The following LIMA1 variants were observed in gnomAD, a reference collection of about 807,000 sequenced individuals.
LIMA1 encodes the protein LIM domain and actin binding 1.
A neutral mutation model predicts 62.6 loss-of-function variants in LIMA1; 52 were observed. The ratio of observed to expected loss-of-function variants is 0.83; its 90% confidence interval spans 0.67 to 1.05. The LOEUF is 1.05. Ranked by LOEUF, LIMA1 falls within the 50% of genes least tolerant of loss-of-function variation. The pLI is 0.00. For missense variants in LIMA1, 780 were observed against 902.2 expected, an observed-to-expected ratio of 0.86 and a Z score of 1.74; for synonymous variants, 302 against 317.8, an observed-to-expected ratio of 0.95 and a Z score of 0.53.
intron 1 of LIMA1, among the ~76,000 whole-genome samples, chr12:50,263,860 T>G (rs112137098): frequency 0.021 from 877 of 41,912 alleles, 18 homozygotes; most frequent in African/African-American, 0.092. Context: ...ATAGAGAGTA[T>G]ATATATATAT....
intron 9 of LIMA1, among the ~76,000 whole-genome samples, chr12:50,183,133 C>T (rs751053917): frequency 3.9e-5 from 6 of 152,030 alleles, no homozygotes; most frequent in Non-Finnish European, 8.8e-5. Context: ...ACCCGGGAGG[C>T]AGAGCTTGTA....
intron 3 of LIMA1, among the ~76,000 whole-genome samples, chr12:50,223,413 G>A (rs1240218100): frequency 6.6e-6 from 1 of 151,574 alleles, no homozygotes. Context: ...AACCTGGGAA[G>A]TGGAGGTTGC....
At chr12:50,268,106 T>C (rs1445537147) in intron 1 of LIMA1, among the ~76,000 whole-genome samples, 2 of 152,194 alleles carry the variant, frequency 1.3e-5, no homozygotes, top group Non-Finnish European at 2.9e-5. Flanking sequence ...TGGTGTCTGA[T>C]TCTTATCCAG....
intron 4 of LIMA1, among the ~76,000 whole-genome samples, chr12:50,211,728 AATC>A (rs752517113): frequency 3.9e-4 from 59 of 152,270 alleles, no homozygotes; most frequent in Non-Finnish European, 7.5e-4. Flanking sequence ...TCCAAGTGGT[AATC>A]TGAGGTACAG....
At chr12:50,195,567 G>A (rs943948920) in intron 8 of LIMA1, 1 of 329,970 alleles carries the variant, frequency 3.0e-6, no homozygotes, top group East Asian at 4.8e-5. Context: ...AATTCTGAAA[G>A]GGTTTGGTGC....
Position 50,192,543 on chromosome 12 carries a change from C to G in LIMA1, c.1049G>C (p.Ser350Thr), listed in dbSNP as rs1565832525. ...GGGATGGACAGGCTGTTGAACCTCA[C>G]TCTTAACCTGGGAGTCACCTGCTTG... ...EDDSRDSQVKSEVQQPVHPKP... is the reference protein window; with the variant it reads ...EDDSRDSQVKTEVQQPVHPKP... Residue 350 changes from serine (S) to threonine (T), a missense_variant, in exon 9 of 11, where the codon AGT becomes ACT. By Grantham distance (58) the Ser-to-Thr change is moderately conservative. Transcript: ENST00000341247. 1.9e-6 allele frequency: 3 copies of G among 1,613,492 alleles called. No homozygotes were observed. The highest frequency in any genetic ancestry group is 2.5e-6 in the Non-Finnish European group (3 of 1,179,416).
intron 2 of LIMA1, among the ~76,000 whole-genome samples, chr12:50,237,413 GA>G (rs2138606435): frequency 6.6e-6 from 1 of 152,318 alleles, no homozygotes; most frequent in East Asian, 1.9e-4. Context: ...AAGGCGGGCG[GA>G]TCTCCTGAGG....
At position 50,193,668 on chromosome 12, in the gene LIMA1, T is replaced by TATATATA. The variant is rs1248804824; in HGVS notation, c.1031-1108_1031-1107insTATATAT. On this transcript the variant is annotated intron_variant, in intron 8 of 10. Coordinates refer to ENST00000341247, the MANE Select transcript of LIMA1 (RefSeq NM_016357.5). ...TGTGTGTGTATATATATATATATAT[T>TATATATA]TTTTTTTTTTTTTTTTTTCAGAGTC... Among the ~76,000 whole-genome samples the TATATATA allele has an allele frequency of 1.1e-4, 9 of 79,264 alleles. No homozygotes were observed. In the East Asian group the frequency reaches 1.2e-3, roughly 10 times the overall value. The allele number at this position is 79,264 out of a possible 152,430, so 52.0% of individuals were successfully genotyped here.
chr12:50,262,154 A>G (rs1942080108), intron 1 of LIMA1, among the ~76,000 whole-genome samples: 1 of 152,198 alleles, frequency 6.6e-6, no homozygotes, highest in Non-Finnish European at 1.5e-5. Flanking sequence ...AACTCCTTCT[A>G]CTGAGATAAT....
Position 50,222,462 on chromosome 12 carries a change from G to A in LIMA1, c.189C>T (p.His63=), listed in dbSNP as rs778232414. Residue 63 remains histidine (H), a synonymous_variant, in exon 4 of 11, where the codon CAC becomes CAT. Coordinates refer to ENST00000341247, the MANE Select transcript of LIMA1 (RefSeq NM_016357.5). ...KRSNTENLSQ[H]FRKGTLTVLK... is the part of the protein sequence containing the mutation. ...ACACAGTCAGGGTCCCCTTTCTAAAGTGCTGGGAGAGATTTTCGGTGTTCT... is the reference window on the plus strand; with the variant it reads ...ACACAGTCAGGGTCCCCTTTCTAAAATGCTGGGAGAGATTTTCGGTGTTCT... 247 of 1,613,930 alleles carry A rather than the reference G, an allele frequency of 1.5e-4. 1 individual carries two copies. Among genetic ancestry groups the A allele is most frequent in the Non-Finnish European group, 2.0e-4 (236 of 1,179,958 alleles).
intron 9 of LIMA1, chr12:50,189,878 A>C (rs1403561614): frequency 1.3e-5 from 2 of 151,504 alleles, no homozygotes; most frequent in African/African-American, 4.9e-5. Flanking sequence ...TGCTCAGCTA[A>C]TTTTTGTATT....
chr12:50,264,021 A>G (rs1371328141), intron 1 of LIMA1, among the ~76,000 whole-genome samples: 1 of 151,820 alleles, frequency 6.6e-6, no homozygotes, highest in African/African-American at 2.4e-5. Flanking sequence ...ACAAGGGAAT[A>G]TTATTCGGCT....
intron 3 of LIMA1, among the ~76,000 whole-genome samples, chr12:50,223,110 G>A (rs1323619240): frequency 1.3e-5 from 2 of 152,064 alleles, no homozygotes; most frequent in Non-Finnish European, 2.9e-5. Context: ...ATGCATATGA[G>A]CAGTCAAATT....
intron 1 of LIMA1, among the ~76,000 whole-genome samples, chr12:50,261,701 C>G (rs1942075559): frequency 6.6e-6 from 1 of 152,110 alleles, no homozygotes; most frequent in Admixed American, 6.5e-5. Flanking sequence ...AGGTCTCACT[C>G]TTATCTCCCA....
chr12:50,189,296 T>G (rs1302474567), intron 9 of LIMA1: 2 of 152,236 alleles, frequency 1.3e-5, no homozygotes, highest in Non-Finnish European at 2.9e-5. Context: ...TTCCTCCTTT[T>G]GTTCCAAACC....
chr12:50,239,183 A>T (rs1941738114), intron 2 of LIMA1, among the ~76,000 whole-genome samples: 1 of 152,230 alleles, frequency 6.6e-6, no homozygotes. Flanking sequence ...ACAAATATAC[A>T]TACACATACA....
At chr12:50,217,968 G>C (rs1306375874) in intron 4 of LIMA1, 4 of 149,792 alleles carry the variant, frequency 2.7e-5, no homozygotes, top group Non-Finnish European at 4.3e-5. Flanking sequence ...GCAGTGGCGT[G>C]ATCTCGGCTC....
intron 2 of LIMA1, among the ~76,000 whole-genome samples, chr12:50,246,995 G>A (rs1941859019): frequency 6.6e-6 from 1 of 152,128 alleles, no homozygotes; most frequent in Non-Finnish European, 1.5e-5. Context: ...TCCAGGCCAG[G>A]CACAGTGGTG....
chr12:50,247,212 G>A (rs1941862163), intron 2 of LIMA1, among the ~76,000 whole-genome samples: 1 of 152,038 alleles, frequency 6.6e-6, no homozygotes. Flanking sequence ...AGAAGGTGGA[G>A]TCAAATTGCC....
Sources: allele counts gnomAD v4.1 joint callset (sites outside exome capture counted in the v4.1 genomes callset), GRCh38; gene constraint gnomAD v4.1.1; transcripts MANE v1.5; gene names NCBI Gene and HGNC (gene_info 2026-07-23, HGNC 2026-07-21).